ADAM12: variants seen among roughly 807,000 people sequenced by gnomAD.
ADAM12 encodes the protein ADAM metallopeptidase domain 12.
Under a neutral mutation model 106.4 loss-of-function variants are expected in ADAM12, and 70 were observed. That is an observed-to-expected ratio of 0.66 (90% CI 0.54 to 0.80). The LOEUF is 0.80. Among genes scored for constraint, ADAM12 ranks in the 30% least tolerant of loss-of-function variants. The pLI is 0.00. For synonymous variants in ADAM12, 420 were observed against 433.5 expected, an observed-to-expected ratio of 0.97 and a Z score of 0.39; for missense variants, 1,010 against 1,171.9, an observed-to-expected ratio of 0.86 and a Z score of 2.02.
intron 21 of ADAM12, among the ~76,000 whole-genome samples, chr10:126,032,090 T>C (rs1953981889): frequency 6.6e-6 from 1 of 152,342 alleles, no homozygotes; most frequent in Non-Finnish European, 1.5e-5. Flanking sequence ...ATGGTTTCTA[T>C]AAAGACCTAG....
chr10:126,158,452 C>T (rs878884493), intron 3 of ADAM12, among the ~76,000 whole-genome samples: 22 of 102,132 alleles, frequency 2.2e-4, no homozygotes, highest in East Asian at 6.7e-4. Context: ...GCACAGAGCA[C>T]GGGGAGAGAA....
At chr10:126,017,714 G>T (rs1469032142) in intron 22 of ADAM12, among the ~76,000 whole-genome samples, 1 of 152,166 alleles carries the variant, frequency 6.6e-6, no homozygotes, top group Non-Finnish European at 1.5e-5. Context: ...ACATTTTAGG[G>T]TACTAAGTCT....
chr10:126,269,979 T>C (rs1959167998), intron 3 of ADAM12, among the ~76,000 whole-genome samples: 1 of 152,164 alleles, frequency 6.6e-6, no homozygotes, highest in African/African-American at 2.4e-5. Flanking sequence ...CTATACAACT[T>C]CAAAGAATGA....
At chr10:126,297,430 T>C (rs1208790282) in intron 2 of ADAM12, among the ~76,000 whole-genome samples, 1 of 152,172 alleles carries the variant, frequency 6.6e-6, no homozygotes, top group Non-Finnish European at 1.5e-5. Flanking sequence ...GTGTCTATAG[T>C]CTCGGCTACT....
chr10:126,251,451 T>TGGAC (rs1590683346), intron 3 of ADAM12, among the ~76,000 whole-genome samples: 1 of 27,718 alleles, frequency 3.6e-5, no homozygotes, highest in Non-Finnish European at 8.1e-5. Context: ...ATAGGATAGA[T>TGGAC]GGATGGATGG....
At position 126,049,667 on chromosome 10, in the gene ADAM12, C is replaced by T; in HGVS notation, c.1612G>A (p.Ala538Thr). 1 of 1,613,744 alleles carries T rather than the reference C, an allele frequency of 6.2e-7. No individual in the cohort carries two copies. Among genetic ancestry groups the T allele is most frequent in the Non-Finnish European group, 8.5e-7 (1 of 1,179,812 alleles). ...AAGCAGATCCCAGGGGCAGGTTTAG[C>T]ACCTGAAACAGAAGCAGAACTGCAT... Reference protein sequence around the residue: ...QQCVTLWGPGAKPAPGICFER... With the variant: ...QQCVTLWGPGTKPAPGICFER... Residue 538 changes from alanine (A) to threonine (T), a missense_variant and splice_region_variant, in exon 15 of 23, where the codon GCT becomes ACT. By Grantham distance (58) the Ala-to-Thr change is moderately conservative (BLOSUM62 0). This residue lies in a region of ADAM12 where 615 missense variants were observed against 708.5 expected (regional missense o/e 0.87). Transcript: ENST00000448723. The surrounding 1 kb of genome is among the most constrained non-coding windows in gnomAD (Gnocchi z 4.4).
rs1954552924 is a variant in ADAM12, at chr10:126,053,363, G to C, written c.1610-3694C>G. On this transcript the variant is annotated intron_variant, in intron 14 of 22. Coordinates refer to ENST00000448723, the MANE Select transcript of ADAM12 (RefSeq NM_001288973.2). This position sits in a 1 kb window ranked among gnomAD's most constrained non-coding sequence, Gnocchi z 4.6. ...TTATGATTGTAATGCCCCAAATGCTGGTGGAGCAGCACAGCTCAGAAAACC... is the reference window on the plus strand; with the variant it reads ...TTATGATTGTAATGCCCCAAATGCTCGTGGAGCAGCACAGCTCAGAAAACC... Among the ~76,000 whole-genome samples, 1 of 152,118 alleles carries C rather than the reference G, an allele frequency of 6.6e-6. No individual in the cohort carries two copies. Among genetic ancestry groups the C allele is most frequent in the Non-Finnish European group, 1.5e-5 (1 of 68,022 alleles).
intron 17 of ADAM12, among the ~76,000 whole-genome samples, chr10:126,044,675 C>T (rs1261132491): frequency 2.0e-5 from 3 of 152,156 alleles, no homozygotes; most frequent in South Asian, 2.1e-4. Flanking sequence ...CTGCTTCAAC[C>T]GACTTGTTTT....
At chr10:126,219,479 G>T (rs1357988081) in intron 3 of ADAM12, among the ~76,000 whole-genome samples, 3 of 152,134 alleles carry the variant, frequency 2.0e-5, no homozygotes, top group Admixed American at 1.3e-4. Context: ...TTTAAGATTG[G>T]CAGAGCTATA....
intron 4 of ADAM12, among the ~76,000 whole-genome samples, chr10:126,143,014 GTATA>G (rs936801705): frequency 2.6e-5 from 4 of 151,870 alleles, no homozygotes; most frequent in Non-Finnish European, 5.9e-5. Flanking sequence ...GTGTGCATGT[GTATA>G]TATGCATTTG....
At chr10:126,255,962 C>CATCT (rs1464438911) in intron 3 of ADAM12, among the ~76,000 whole-genome samples, 1 of 152,144 alleles carries the variant, frequency 6.6e-6, no homozygotes, top group Non-Finnish European at 1.5e-5. Context: ...TGCCCATGGG[C>CATCT]ATCTCGTCAG....
At chr10:126,048,019 T>C (rs1954373762) in intron 16 of ADAM12, among the ~76,000 whole-genome samples, 2 of 152,184 alleles carry the variant, frequency 1.3e-5, no homozygotes, top group South Asian at 4.1e-4. Context: ...GGAGGCTGTT[T>C]TCATAAGCAA....
At chr10:126,156,313 A>G (rs1280349596) in intron 3 of ADAM12, among the ~76,000 whole-genome samples, 1 of 152,214 alleles carries the variant, frequency 6.6e-6, no homozygotes, top group Non-Finnish European at 1.5e-5. Context: ...TTCTAGAACT[A>G]AGTCAAACGG....
At chr10:126,162,636 C>G (rs1166194678) in intron 3 of ADAM12, among the ~76,000 whole-genome samples, 1 of 152,090 alleles carries the variant, frequency 6.6e-6, no homozygotes, top group African/African-American at 2.4e-5. Context: ...GAGAAAAATA[C>G]AGGCTCCAGG....
At chr10:126,138,862 T>A (rs7912887) in intron 4 of ADAM12, among the ~76,000 whole-genome samples, 48,497 of 150,862 alleles carry the variant, frequency 0.32, 8,171 homozygotes, top group Non-Finnish European at 0.38. Context: ...TATATTTACA[T>A]CTTTAGCCAT....
chr10:126,097,397 A>G lies in ADAM12; in HGVS notation c.996+1019T>C, dbSNP rs113127085. ...TCCACGCAGCTTTGACCCTTAGTGC[A>G]GGCTTACATTAATGACCAATCTCTG... On this transcript the variant is annotated intron_variant, in intron 10 of 22. Coordinates refer to ENST00000448723, the MANE Select transcript of ADAM12 (RefSeq NM_001288973.2). Among the ~76,000 whole-genome samples, 358 of 152,352 alleles carry G rather than the reference A, an allele frequency of 2.3e-3. 1 individual carries two copies. The highest frequency in any genetic ancestry group is 3.7e-3 in the Non-Finnish European group (249 of 68,030).
At chr10:126,081,918 C>A (rs1400112413) in intron 11 of ADAM12, among the ~76,000 whole-genome samples, 2 of 152,196 alleles carry the variant, frequency 1.3e-5, no homozygotes, top group Non-Finnish European at 2.9e-5. Context: ...ATAGAGCACG[C>A]TTTACACTGT....
At position 126,321,907 on chromosome 10, in the gene ADAM12, G is replaced by GGC. The variant is rs1168632026; in HGVS notation, c.186+8504_186+8505insGC. On this transcript the variant is annotated intron_variant, in intron 2 of 22. Coordinates refer to ENST00000448723, the MANE Select transcript of ADAM12 (RefSeq NM_001288973.2). ...CGCTTAACTTTCTACCTGGGGGTCG[G>GGC]GGGGGGGGCTTCAGCAACCTCATGT... Among the ~76,000 whole-genome samples the GGC allele has an allele frequency of 2.0e-4, 28 of 141,164 alleles. 1 individual carries two copies. Among genetic ancestry groups the GGC allele is most frequent in the Admixed American group, 3.5e-4 (5 of 14,130 alleles). The allele number at this position is 141,164 out of a possible 152,430, so 92.6% of individuals were successfully genotyped here. A position where few individuals can be genotyped will look rare whatever the true frequency, so the allele number is the denominator to read the frequency against.
rs115038636 is a variant in ADAM12 at position 126,097,974 on chromosome 10, A to G, written c.996+442T>C. ...GGCATGTAAAGCATTTGCAGTGGTA[A>G]AAAGCTAAAAACCTCAGACTTTGGG... On this transcript the variant is annotated intron_variant, in intron 10 of 22. Transcript: ENST00000448723. 7.9e-3 allele frequency among the ~76,000 whole-genome samples: 1,203 copies of G among 152,340 alleles called. 12 individuals are homozygous for G. Among genetic ancestry groups the G allele is most frequent in the African/African-American group, 0.028 (1,146 of 41,570 alleles).
Sources: gnomAD v4.1 joint callset for allele counts (sites outside exome capture counted in the v4.1 genomes callset) on GRCh38, gnomAD v4.1.1 for gene constraint, gnomAD v4.1.1 regional missense constraint, Gnocchi (gnomAD v3.1) non-coding constraint, MANE v1.5 for transcripts, NCBI Gene and HGNC (gene_info 2026-07-23, HGNC 2026-07-21) for gene names.